APOB: variants seen among roughly 807,000 people sequenced by gnomAD.
The protein encoded by APOB is apolipoprotein B-100.
A neutral mutation model predicts 314.1 loss-of-function variants in APOB; 153 were observed. The observed-to-expected ratio is 0.49, with a 90% confidence interval of 0.43 to 0.56. The LOEUF (loss-of-function observed/expected upper bound fraction) is 0.56, where lower values mean the gene tolerates loss of function less well. Ranked by LOEUF, APOB falls within the 20% of genes least tolerant of loss-of-function variation. The pLI, the probability that APOB is intolerant of heterozygous loss-of-function variation, is 0.00. For synonymous variants in APOB, 2,087 were observed against 2,036.4 expected (o/e 1.02, Z -0.67); for missense variants, 5,430 against 5,350.7 (o/e 1.01, Z -0.46).
At position 21,016,607 on chromosome 2, in the gene APOB, C is replaced by T. The variant is rs939540692; in HGVS notation, c.3164G>A (p.Arg1055Gln). The change falls in exon 21 of 29, where the codon CGG (arginine) becomes CAG (glutamine). Residue 1055 changes from arginine to glutamine, a missense_variant. Arg to Gln is a conservative substitution (Grantham distance 43, BLOSUM62 1). Around this residue, in one of 3 missense-constraint regions of APOB, gnomAD observed 2,085 missense variants for 2,079.7 expected, o/e 1.00. Transcript: ENST00000233242. ...TEATMTFKYN[R>Q]QSMTLSSEVQ... ...TTCACTGGACAAGGTCATACTCTGC[C>T]GATTATATTTGAATGTCATGGTAGC... 1.1e-5 allele frequency: 17 copies of T among 1,612,332 alleles called. No homozygotes were observed. Among genetic ancestry groups the T allele is most frequent in the South Asian group, 2.2e-5 (2 of 91,040 alleles).
At chr2:21,014,396 T>A in intron 24 of APOB, 52 bp downstream of exon 24, 4 of 1,601,578 alleles carry the variant, frequency 2.5e-6, no homozygotes, top group Non-Finnish European at 3.4e-6. Flanking sequence ...CTATGTAAAA[T>A]CTTTCATTTA....
intron 25 of APOB, among the ~76,000 whole-genome samples, chr2:21,012,916 A>T (rs1663366269): frequency 6.6e-6 from 1 of 152,056 alleles, no homozygotes; most frequent in Non-Finnish European, 1.5e-5. Context: ...TTATCATAGC[A>T]CCTCTCACAC....
At chr2:21,014,687 T>C in intron 23 of APOB, 94 bp from the exon 24 acceptor site, 1 of 1,328,850 alleles carries the variant, frequency 7.5e-7, no homozygotes, top group Non-Finnish European at 1.1e-6. Flanking sequence ...GACAAGTTAA[T>C]TATTAAGCTG....
At chr2:21,034,405 G>C (rs987129834) in intron 8 of APOB, among the ~76,000 whole-genome samples, 4 of 152,164 alleles carry the variant, frequency 2.6e-5, no homozygotes, top group Non-Finnish European at 4.4e-5. Flanking sequence ...ACTGGGTAAG[G>C]GTTGGACTTG....
At position 21,028,046 on chromosome 2, in the gene APOB, C is replaced by T. The variant is rs768573229; in HGVS notation, c.1849G>A (p.Glu617Lys). Residue 617 changes from glutamate (E) to lysine (K), a missense_variant, in exon 14 of 29, where the codon GAA becomes AAA. Glu to Lys is a moderately conservative substitution (Grantham distance 56). Around this residue, in one of 3 missense-constraint regions of APOB, gnomAD observed 2,085 missense variants for 2,079.7 expected, o/e 1.00. Transcript: ENST00000233242. ...DIQDLKKLVKEALKESQLPTV... is the reference protein window; with the variant it reads ...DIQDLKKLVKKALKESQLPTV... ...GGAAGTTGAGATTCTTTCAGAGCTTCTTTCACTAACTTTTTCAGACTAGAT... is the reference window on the plus strand; with the variant it reads ...GGAAGTTGAGATTCTTTCAGAGCTTTTTTCACTAACTTTTTCAGACTAGAT... The T allele has an allele frequency of 6.2e-7, 1 of 1,609,716 alleles. No homozygotes were observed. The highest frequency in any genetic ancestry group is 1.3e-5 in the African/African-American group (1 of 74,860).
chr2:21,025,271 A>C, intron 15 of APOB, 147 bp from the exon 16 acceptor site: 1 of 763,916 alleles, frequency 1.3e-6, no homozygotes, highest in Non-Finnish European at 2.3e-6. Flanking sequence ...GTCCAGGCTA[A>C]TTCCTCTAAG....
chr2:21,022,550 A>C (rs1348178123), intron 18 of APOB, among the ~76,000 whole-genome samples: 1 of 152,260 alleles, frequency 6.6e-6, no homozygotes, highest in African/African-American at 2.4e-5. Flanking sequence ...TCACAACTTA[A>C]TAAAAACTAA....
At chr2:21,020,962 G>C (rs1663591612) in intron 18 of APOB, among the ~76,000 whole-genome samples, 1 of 151,904 alleles carries the variant, frequency 6.6e-6, no homozygotes, top group South Asian at 2.1e-4. Flanking sequence ...CCATATTTCT[G>C]TCCTCATCTC....
intron 16 of APOB, chr2:21,024,697 T>C (rs1458248069): frequency 4.5e-6 from 3 of 672,570 alleles, no homozygotes; most frequent in African/African-American, 3.6e-5. Flanking sequence ...TCCAGATGAA[T>C]AAATTAATGC....
Position 21,023,567 on chromosome 2 carries a change from A to G in APOB, c.2562T>C (p.Ile854=), listed in dbSNP as rs1217726977. 6.2e-7 allele frequency: 1 copy of G among 1,614,190 alleles called. No homozygotes were observed. The highest frequency in any genetic ancestry group is 8.5e-7 in the Non-Finnish European group (1 of 1,180,022). The stretch of plus-strand genomic sequence containing the variant: ...TTACTCCAGCCTTGGCTCCGGGAGC[A>G]ATGACTCCAGATGAAGATATTTGCA... The part of the protein sequence containing the change: ...LQLQISSSGV[I]APGAKAGVKL... The change falls in exon 17 of 29, where the codon ATT becomes ATC. Residue 854 remains isoleucine, a synonymous_variant. Coordinates refer to ENST00000233242, the MANE Select transcript of APOB (RefSeq NM_000384.3).
chr2:21,040,833 C>T (rs900243732), intron 4 of APOB, 105 bp downstream of exon 4: 28 of 1,284,504 alleles, frequency 2.2e-5, no homozygotes, highest in African/African-American at 8.7e-5. Flanking sequence ...ACGATGGATA[C>T]GGAATACAAA....
intron 23 of APOB, 130 bp downstream of exon 23, chr2:21,014,943 C>A: frequency 9.7e-7 from 1 of 1,029,180 alleles, no homozygotes; most frequent in East Asian, 2.4e-5. Context: ...TTTTTTCTCC[C>A]CAAGAATTCC....
Position 21,001,939 on chromosome 2 carries a change from A to G in APOB, c.13483T>C (p.Phe4495Leu), listed in dbSNP as rs756545438. 3.1e-6 allele frequency: 5 copies of G among 1,614,014 alleles called. No individual in the cohort carries two copies. The highest frequency in any genetic ancestry group is 4.2e-6 in the Non-Finnish European group (5 of 1,179,970). ...GAAAAATCTTGCAGTTTATATCTAA[A>G]CTGCTGGTGGTAATCAGAAATTATT... ...KKIISDYHQQ[F>L]RYKLQDFSDQ... is the part of the protein sequence containing the mutation. The change falls in exon 29 of 29, where the codon TTT (phenylalanine) becomes CTT (leucine). Residue 4495 changes from phenylalanine to leucine, a missense_variant. Phe to Leu is a conservative substitution (Grantham distance 22). Around this residue, in one of 3 missense-constraint regions of APOB, gnomAD observed 3,281 missense variants for 3,171.0 expected, o/e 1.03. Transcript: ENST00000233242.
chr2:21,038,829 C>A (rs189900041), intron 4 of APOB, among the ~76,000 whole-genome samples: 30 of 152,330 alleles, frequency 2.0e-4, no homozygotes, highest in Non-Finnish European at 2.2e-4. Flanking sequence ...TTGTTTTATA[C>A]AAGTGGCATT....
rs779325057 is a variant in APOB, at chr2:21,029,986, T to A, written c.1382A>T (p.Gln461Leu). 2 of 1,613,718 alleles carry A rather than the reference T, an allele frequency of 1.2e-6. No homozygotes were observed. The highest frequency in any genetic ancestry group is 1.7e-6 in the Non-Finnish European group (2 of 1,179,566). Residue 461 changes from glutamine to leucine, a missense_variant, in exon 11 of 29, where the codon CAG (glutamine) becomes CTG (leucine). Physicochemically the swap from Gln to Leu is moderately radical, Grantham distance 113. Around this residue, in one of 3 missense-constraint regions of APOB, gnomAD observed 2,085 missense variants for 2,079.7 expected, o/e 1.00. Coordinates refer to ENST00000233242, the MANE Select transcript of APOB (RefSeq NM_000384.3). ...GTAATTAGCAATGTCCAGCAGCTCC[T>A]GGGTCCCTGTAGGGTTTGTCTTATG... ...NYHKTNPTGT[Q>L]ELLDIANYLM...
Position 21,013,444 on chromosome 2 carries a change from T to TTTAGATCTCTGG in APOB, c.3920_3931dup (p.Leu1310_Lys1311insThrArgAspLeu), listed in dbSNP as rs753977174. ...TGGTGTCCTAACAGTCTCTAACATC[T>TTTAGATCTCTGG]TTAGATCTCTGGAGGATTTGCCACC... On this transcript the variant is annotated inframe_insertion, in exon 25 of 29. Transcript: ENST00000233242. The TTTAGATCTCTGG allele has an allele frequency of 1.2e-6, 2 of 1,614,188 alleles. No homozygotes were observed. Among genetic ancestry groups the TTTAGATCTCTGG allele is most frequent in the African/African-American group, 2.7e-5 (2 of 75,034 alleles).
rs188019153 is a variant in APOB at position 21,001,699 on chromosome 2, A to C, written c.*31T>G. On this transcript the variant is annotated 3_prime_UTR_variant, in exon 29 of 29. Transcript: ENST00000233242. Reference sequence around the variant, plus strand: ...TGCTATGTGAAAGTTCAATTGGAAAAGAAGAATAAATGAAGATTTCTTTTA... The same window carrying C: ...TGCTATGTGAAAGTTCAATTGGAAACGAAGAATAAATGAAGATTTCTTTTA... 6.2e-7 allele frequency: 1 copy of C among 1,608,972 alleles called. No individual in the cohort carries two copies. Among genetic ancestry groups the C allele is most frequent in the Non-Finnish European group, 8.5e-7 (1 of 1,176,130 alleles).
At position 21,012,300 on chromosome 2, in the gene APOB, T is replaced by C; in HGVS notation, c.4568A>G (p.Asn1523Ser). 8 of 1,614,104 alleles carry C rather than the reference T, an allele frequency of 5.0e-6. No homozygotes were observed. Among genetic ancestry groups the C allele is most frequent in the Non-Finnish European group, 6.8e-6 (8 of 1,180,018 alleles). The change falls in exon 26 of 29, where the codon AAC becomes AGC. Residue 1523 changes from asparagine (N) to serine (S), a missense_variant. This residue lies in a region of APOB where 2,085 missense variants were observed against 2,079.7 expected (regional missense o/e 1.00). Coordinates refer to ENST00000233242, the MANE Select transcript of APOB (RefSeq NM_000384.3). ...RLNGESNLRF[N>S]SSYLQGTNQI... ...GTTGGTGCCTTGGAGGTAGGAGGAG[T>C]TAAACCTCAGGTTGGACTCTCCATT...
chr2:21,043,256 A>C (rs1461461488), intron 2 of APOB, among the ~76,000 whole-genome samples: 1 of 152,122 alleles, frequency 6.6e-6, no homozygotes, highest in Non-Finnish European at 1.5e-5. Context: ...CAAAGTGTGC[A>C]CAGGCCAGCG....
Sources: allele counts gnomAD v4.1 joint callset (sites outside exome capture counted in the v4.1 genomes callset), GRCh38; gene constraint gnomAD v4.1.1; regional missense constraint gnomAD v4.1.1; transcripts MANE v1.5; gene names NCBI Gene and HGNC (gene_info 2026-07-23, HGNC 2026-07-21).